PLEKHA4: variants seen among roughly 807,000 people sequenced by gnomAD.
PLEKHA4 encodes pleckstrin homology domain-containing family A member 4.
PLEKHA4 carries 73 observed loss-of-function variants against 94.7 expected under a neutral mutation model. The ratio of observed to expected loss-of-function variants is 0.77; its 90% CI spans 0.64 to 0.94. PLEKHA4 has a LOEUF of 0.94. Among genes scored for constraint, PLEKHA4 ranks in the 40% least tolerant of loss-of-function variants. The pLI, the probability that PLEKHA4 is intolerant of heterozygous loss-of-function variation, is 0.00. For synonymous variants in PLEKHA4, 449 were observed against 437.1 expected, an observed-to-expected ratio of 1.03 and a Z score of -0.34; for missense variants, 1,049 against 1,054.1, an observed-to-expected ratio of 1.00 and a Z score of 0.07.
rs113190207 is a variant in PLEKHA4, at chr19:48,837,260, G to C, written c.*29C>G. ...CGGTACCTCCAGACCACGTCCTCGCGCTCCGATTGGCTGCCGCTTTTGGGC... is the reference window on the plus strand; with the variant it reads ...CGGTACCTCCAGACCACGTCCTCGCCCTCCGATTGGCTGCCGCTTTTGGGC... On this transcript the variant is annotated 3_prime_UTR_variant, in exon 20 of 20. Coordinates refer to ENST00000263265, the MANE Select transcript of PLEKHA4 (RefSeq NM_020904.3). The surrounding 1 kb of genome is among the most constrained non-coding windows in gnomAD (Gnocchi z 4.3). 1.4e-3 allele frequency: 2,321 copies of C among 1,613,932 alleles called. 30 individuals are homozygous for C. In the African/African-American group the frequency reaches 0.028, roughly 19 times the overall value.
chr19:48,846,275 G>A (rs2035967409), intron 14 of PLEKHA4, among the ~76,000 whole-genome samples: 1 of 151,004 alleles, frequency 6.6e-6, no homozygotes, highest in Non-Finnish European at 1.5e-5. Context: ...GTGAAACCCC[G>A]TCTCTACTAA....
At chr19:48,838,561 C>T (rs1324693099) in intron 18 of PLEKHA4, among the ~76,000 whole-genome samples, 2 of 150,358 alleles carry the variant, frequency 1.3e-5, no homozygotes, top group Non-Finnish European at 1.5e-5. Flanking sequence ...GTCAGGAGTT[C>T]GAGACCACCC....
chr19:48,840,135 A>T lies in PLEKHA4; in HGVS notation c.1906-872T>A, dbSNP rs925175532. 2.3e-4 allele frequency among the ~76,000 whole-genome samples: 35 copies of T among 151,742 alleles called. 2 individuals are homozygous for T. The highest frequency in any genetic ancestry group is 1.7e-3 in the Admixed American group (26 of 15,204). ...AAAAAGAAAAAAAAAATCTAAGGGG[A>T]GGTTAGGTGCAGTAGCTCACACCTA... On this transcript the variant is annotated intron_variant, in intron 17 of 19. Transcript: ENST00000263265.
intron 9 of PLEKHA4, 88 bp from the exon 10 acceptor site, chr19:48,854,352 A>T (rs1198862079): frequency 1.8e-6 from 2 of 1,106,354 alleles, no homozygotes; most frequent in African/African-American, 3.1e-5. Flanking sequence ...GTCTCTACTG[A>T]TAGGTACTGC....
chr19:48,837,365 C>T lies in PLEKHA4; in HGVS notation c.2264G>A (p.Gly755Glu), dbSNP rs2035567881. 6.2e-7 allele frequency: 1 copy of T among 1,613,650 alleles called. No individual in the cohort carries two copies. Among genetic ancestry groups the T allele is most frequent in the South Asian group, 1.1e-5 (1 of 91,084 alleles). ...TTGTGGCAGGACCGGAGGGGCGATC[C>T]CGGCATCCCACGCGGGCCCCCAGGG... The part of the protein sequence containing the change: ...PTPWGPAWDA[G>E]IAPPVLPQDE... Residue 755 changes from glycine (G) to glutamate (E), a missense_variant, in exon 20 of 20, where the codon GGG (glycine) becomes GAG (glutamate). Coordinates refer to ENST00000263265, the MANE Select transcript of PLEKHA4 (RefSeq NM_020904.3). This position sits in a 1 kb window ranked among gnomAD's most constrained non-coding sequence, Gnocchi z 4.3.
chr19:48,839,307 C>A, intron 17 of PLEKHA4, 44 bp from the exon 18 acceptor site: 2 of 1,393,046 alleles, frequency 1.4e-6, no homozygotes, highest in Non-Finnish European at 2.0e-6. Context: ...CTGGAAGCCC[C>A]ACGTTCTCAT....
At chr19:48,857,328 C>A in intron 9 of PLEKHA4, 94 bp downstream of exon 9, 1 of 628,376 alleles carries the variant, frequency 1.6e-6, no homozygotes, top group Non-Finnish European at 2.8e-6. Flanking sequence ...ATCTACAGTT[C>A]TCTAGGCACC....
At chr19:48,839,096 G>C in intron 18 of PLEKHA4, 109 bp downstream of exon 18, 1 of 634,074 alleles carries the variant, frequency 1.6e-6, no homozygotes, top group Non-Finnish European at 2.6e-6. Context: ...CTCTAGAAGG[G>C]TTGCGATTTG....
chr19:48,866,972 C>A (rs2036856103), intron 2 of PLEKHA4, among the ~76,000 whole-genome samples: 1 of 152,124 alleles, frequency 6.6e-6, no homozygotes, highest in Non-Finnish European at 1.5e-5. Flanking sequence ...CGACAATATG[C>A]CCTTCCTTGG....
chr19:48,854,696 CTTTTTTTTTTTTTT>C (rs397859722), intron 9 of PLEKHA4, among the ~76,000 whole-genome samples: 24 of 81,364 alleles, frequency 2.9e-4, no homozygotes, highest in African/African-American at 1.3e-3. Context: ...CATGCCTGGC[CTTTTTTTTTTTTTT>C]TTTTTTTTTT....
intron 16 of PLEKHA4, among the ~76,000 whole-genome samples, chr19:48,844,904 T>A (rs1431623195): frequency 7.1e-6 from 1 of 140,040 alleles, no homozygotes; most frequent in East Asian, 2.3e-4. Context: ...AACCTCTGCC[T>A]CCCGAGTTCA....
rs1242412794 is a variant in PLEKHA4, at chr19:48,848,028, CA to C, written c.1437del (p.Ala480LeufsTer51). 6.2e-7 allele frequency: 1 copy of C among 1,613,532 alleles called. No homozygotes were observed. The highest frequency in any genetic ancestry group is 1.3e-5 in the African/African-American group (1 of 74,912). On this transcript the variant is annotated frameshift_variant, in exon 14 of 20. Transcript: ENST00000263265. LOFTEE classifies it high-confidence loss of function. ...LHLGSPQDRV[S>X]AQQQLWMVED... ...TCCACCATCCACAGCTGCTGCTGAGCAGACACTCTGTCCTGCAGGGAGGAAA... is the reference window on the plus strand; with the variant it reads ...TCCACCATCCACAGCTGCTGCTGAGCGACACTCTGTCCTGCAGGGAGGAAA...
At chr19:48,854,298 G>T (rs778271082) in intron 9 of PLEKHA4, 34 bp from the exon 10 acceptor site, 3 of 1,594,606 alleles carry the variant, frequency 1.9e-6, no homozygotes, top group African/African-American at 2.7e-5. Context: ...GGGTCAAAGG[G>T]GACAGGCTGG....
In PLEKHA4 at chr19:48,861,519, G is replaced by T. The variant is rs780272958; in HGVS notation, c.266-18C>A. The T allele has an allele frequency of 6.2e-7, 1 of 1,613,566 alleles. No homozygotes were observed. The highest frequency in any genetic ancestry group is 8.5e-7 in the Non-Finnish European group (1 of 1,179,518). The stretch of plus-strand genomic sequence containing the variant: ...GCGGCTGTCTGCAAAGAGGGGCTGG[G>T]GTCAAGGATCACACAGGGATCAGAA... On this transcript the variant is annotated intron_variant, in intron 4 of 19. Transcript: ENST00000263265.
Position 48,856,898 on chromosome 19 carries a change from C to CAA in PLEKHA4, c.1047+522_1047+523dup, listed in dbSNP as rs1315657736. ...TGGGCGACAGAGAGAGACCCCGTCT[C>CAA]AAAAAAAAAAAAAAAAAAGAAAGAA... On this transcript the variant is annotated intron_variant, in intron 9 of 19. Transcript: ENST00000263265. 4.4e-3 allele frequency among the ~76,000 whole-genome samples: 158 copies of CAA among 35,564 alleles called. 2 individuals carry two copies. The highest frequency in any genetic ancestry group is 0.023 in the African/African-American group (143 of 6,154). The allele number at this position is 35,564 out of a possible 152,430, so 23.3% of individuals were successfully genotyped here.
At chr19:48,847,494 G>A (rs371483444) in intron 14 of PLEKHA4, among the ~76,000 whole-genome samples, 24 of 152,156 alleles carry the variant, frequency 1.6e-4, no homozygotes, top group African/African-American at 5.1e-4. Context: ...CACTTTGGGA[G>A]GCCGAGGCAG....
At position 48,859,572 on chromosome 19, in the gene PLEKHA4, C is replaced by T; in HGVS notation, c.589G>A (p.Val197Met). The T allele has an allele frequency of 6.2e-7, 1 of 1,614,038 alleles. No individual in the cohort carries two copies. Among genetic ancestry groups the T allele is most frequent in the Non-Finnish European group, 8.5e-7 (1 of 1,180,026 alleles). ...EEGRISESPEVTRLSRGRGRP... is the reference protein window; with the variant it reads ...EEGRISESPEMTRLSRGRGRP... Reference sequence around the variant, plus strand: ...CCACGACCTCTGGAGAGTCGAGTCACTTCCGGTGATTCTGAGATGCGCCCC... The same window carrying T: ...CCACGACCTCTGGAGAGTCGAGTCATTTCCGGTGATTCTGAGATGCGCCCC... Residue 197 changes from valine (V) to methionine (M), a missense_variant, in exon 7 of 20, where the codon GTG (valine) becomes ATG (methionine). Val to Met is a conservative substitution (Grantham distance 21). Coordinates refer to ENST00000263265, the MANE Select transcript of PLEKHA4 (RefSeq NM_020904.3).
Position 48,848,008 on chromosome 19 carries a change from C to G in PLEKHA4, c.1458G>C (p.Met486Ile). 1 of 1,613,746 alleles carries G rather than the reference C, an allele frequency of 6.2e-7. No homozygotes were observed. Among genetic ancestry groups the G allele is most frequent in the Non-Finnish European group, 8.5e-7 (1 of 1,179,960 alleles). The change falls in exon 14 of 20, where the codon ATG becomes ATC. Residue 486 changes from methionine to isoleucine, a missense_variant. Physicochemically the swap from Met to Ile is conservative, Grantham distance 10. Coordinates refer to ENST00000263265, the MANE Select transcript of PLEKHA4 (RefSeq NM_020904.3). ...DRVSAQQQLWMVEDTLAGLGG... is the reference protein window; with the variant it reads ...DRVSAQQQLWIVEDTLAGLGG... Reference sequence around the variant, plus strand: ...CCAGACCTGCCAGCGTGTCTTCCACCATCCACAGCTGCTGCTGAGCAGACA... The same window carrying G: ...CCAGACCTGCCAGCGTGTCTTCCACGATCCACAGCTGCTGCTGAGCAGACA...
chr19:48,840,704 C>T (rs903238668), intron 17 of PLEKHA4, among the ~76,000 whole-genome samples: 21 of 152,048 alleles, frequency 1.4e-4, no homozygotes, highest in African/African-American at 4.1e-4. Flanking sequence ...GGATTACAGG[C>T]GTGAGCCACC....
Sources: allele counts gnomAD v4.1 joint callset (sites outside exome capture counted in the v4.1 genomes callset), GRCh38; gene constraint gnomAD v4.1.1; non-coding constraint Gnocchi (gnomAD v3.1); transcripts MANE v1.5; gene names NCBI Gene and HGNC (gene_info 2026-07-23, HGNC 2026-07-21).